TBC1D12: variants seen among roughly 807,000 people sequenced by gnomAD.
The protein encoded by TBC1D12 is TBC1 domain family member 12.
A neutral mutation model predicts 86.7 loss-of-function variants in TBC1D12; 56 were observed. The ratio of observed to expected loss-of-function variants is 0.65; its 90% confidence interval spans 0.52 to 0.81. The LOEUF (loss-of-function observed/expected upper bound fraction) is 0.81. Among genes scored for constraint, TBC1D12 ranks in the 30% least tolerant of loss-of-function variants. TBC1D12 has a pLI of 0.00. For synonymous variants in TBC1D12, 421 were observed against 411.7 expected (o/e 1.02, Z -0.27); for missense variants, 1,023 against 1,038.8 (o/e 0.98, Z 0.21).
chr10:94,531,233 C>G lies in TBC1D12; in HGVS notation c.2032C>G (p.Leu678Val). Residue 678 changes from leucine (L) to valine (V), a missense_variant, in exon 12 of 13, where the codon CTT becomes GTT. Leu to Val is a conservative substitution (Grantham distance 32). Transcript: ENST00000225235. The part of the protein sequence containing the change: ...IFTLYSKSLP[L>V]DLACRVWDVF... ...CACACTATATAGCAAATCACTACCA[C>G]TTGATCTGGCCTGTCGAGTCTGGGA... is the stretch of plus-strand genomic sequence containing the variant. 3 of 1,613,874 alleles carry G rather than the reference C, an allele frequency of 1.9e-6. No homozygotes were observed. Among genetic ancestry groups the G allele is most frequent in the Non-Finnish European group, 2.5e-6 (3 of 1,179,886 alleles).
intron 3 of TBC1D12, among the ~76,000 whole-genome samples, chr10:94,491,503 G>A (rs761207352): frequency 1.3e-5 from 2 of 152,090 alleles, no homozygotes; most frequent in African/African-American, 2.4e-5. Context: ...ACCAAAATAC[G>A]GTGTAGTAGT....
chr10:94,472,398 T>C (rs1345012251), intron 2 of TBC1D12, among the ~76,000 whole-genome samples: 1 of 152,220 alleles, frequency 6.6e-6, no homozygotes, highest in Non-Finnish European at 1.5e-5. Context: ...TTTTCTCCAC[T>C]GGGAGGGCTC....
chr10:94,458,109 C>A (rs529948181), intron 2 of TBC1D12, among the ~76,000 whole-genome samples: 2 of 152,090 alleles, frequency 1.3e-5, no homozygotes, highest in Admixed American at 6.6e-5. Context: ...AAGGCAATCC[C>A]CACTGTGGCA....
At chr10:94,404,831 T>A (rs1047341904) in intron 1 of TBC1D12, among the ~76,000 whole-genome samples, 2 of 151,478 alleles carry the variant, frequency 1.3e-5, no homozygotes, top group East Asian at 3.9e-4. Flanking sequence ...GTGGATCACC[T>A]GAGGTCAGAG....
chr10:94,426,076 G>A (rs189283401), intron 1 of TBC1D12, among the ~76,000 whole-genome samples: 4 of 152,194 alleles, frequency 2.6e-5, no homozygotes, highest in Admixed American at 2.0e-4. Context: ...TGAGGTGACT[G>A]TAGACAGTCA....
intron 9 of TBC1D12, among the ~76,000 whole-genome samples, chr10:94,520,230 A>C (rs1161629905): frequency 6.6e-6 from 1 of 152,214 alleles, no homozygotes; most frequent in Non-Finnish European, 1.5e-5. Context: ...ATGGAGTGGG[A>C]ATACATACTG....
chr10:94,519,974 G>A (rs1025142683), intron 9 of TBC1D12, among the ~76,000 whole-genome samples: 2 of 152,156 alleles, frequency 1.3e-5, no homozygotes, highest in Admixed American at 6.6e-5. Context: ...GACATCTTTG[G>A]TGGGCAATTA....
chr10:94,427,433 T>C (rs1470488045), intron 1 of TBC1D12, among the ~76,000 whole-genome samples: 2 of 152,260 alleles, frequency 1.3e-5, no homozygotes, highest in Non-Finnish European at 2.9e-5. Context: ...AAACATGTCA[T>C]GCATGATGTA....
At chr10:94,412,215 AT>A (rs1486427557) in intron 1 of TBC1D12, among the ~76,000 whole-genome samples, 1 of 152,138 alleles carries the variant, frequency 6.6e-6, no homozygotes, top group Admixed American at 6.5e-5. Context: ...GTTAAATAAT[AT>A]TTTACATTCT....
intron 1 of TBC1D12, among the ~76,000 whole-genome samples, chr10:94,420,825 T>C (rs2055064217): frequency 6.6e-6 from 1 of 152,238 alleles, no homozygotes; most frequent in Admixed American, 6.5e-5. Context: ...TAGTATCATT[T>C]GTGTACAAGT....
intron 2 of TBC1D12, among the ~76,000 whole-genome samples, chr10:94,444,979 G>A (rs1224471534): frequency 7.9e-6 from 1 of 127,096 alleles, no homozygotes; most frequent in African/African-American, 3.0e-5. Context: ...TGATCCGCCC[G>A]CCTCAGCCTC....
intron 11 of TBC1D12, among the ~76,000 whole-genome samples, chr10:94,524,229 A>C (rs1842227840): frequency 6.6e-6 from 1 of 152,258 alleles, no homozygotes; most frequent in South Asian, 2.1e-4. Context: ...GGAGACTCAC[A>C]AGGGGAGATT....
intron 1 of TBC1D12, among the ~76,000 whole-genome samples, chr10:94,414,349 TAG>T (rs2054970169): frequency 6.6e-6 from 1 of 152,208 alleles, no homozygotes; most frequent in African/African-American, 2.4e-5. Context: ...AAGATATTCG[TAG>T]AGAGAGAAAT....
chr10:94,431,410 TA>T (rs766071204), intron 1 of TBC1D12, among the ~76,000 whole-genome samples: 345 of 114,316 alleles, frequency 3.0e-3, no homozygotes, highest in African/African-American at 5.6e-3. Context: ...GCAAGACTCT[TA>T]AAAAAAAAAA....
At chr10:94,486,139 C>CTT (rs1282522464) in intron 3 of TBC1D12, among the ~76,000 whole-genome samples, 24 of 108,410 alleles carry the variant, frequency 2.2e-4, no homozygotes, top group Non-Finnish European at 2.7e-4. Flanking sequence ...TCTTCTTCTT[C>CTT]TTTTTTTTTT....
intron 1 of TBC1D12, among the ~76,000 whole-genome samples, chr10:94,433,217 C>A (rs1050576356): frequency 2.0e-5 from 3 of 152,060 alleles, no homozygotes; most frequent in Admixed American, 6.5e-5. Flanking sequence ...CTCCTGGGTT[C>A]AAGCGATTCT....
chr10:94,402,827 C>A lies in TBC1D12; in HGVS notation c.214C>A (p.Arg72Ser). Residue 72 changes from arginine to serine, a missense_variant, in exon 1 of 13, where the codon CGT becomes AGT. Around this residue, in one of 2 missense-constraint regions of TBC1D12, gnomAD observed 628 missense variants for 531.1 expected, o/e 1.18. Transcript: ENST00000225235. ...EETPPRQLLQ[R>S]YLAAAGEQLE... ...GACGCCGCCTCGGCAGCTCCTTCAG[C>A]GTTACCTCGCGGCGGCCGGGGAGCA... The A allele has an allele frequency of 1.3e-6, 2 of 1,540,318 alleles. No individual in the cohort carries two copies. Among genetic ancestry groups the A allele is most frequent in the Non-Finnish European group, 1.7e-6 (2 of 1,143,182 alleles).
chr10:94,434,194 C>T (rs2055260543), intron 1 of TBC1D12, among the ~76,000 whole-genome samples: 1 of 152,086 alleles, frequency 6.6e-6, no homozygotes, highest in South Asian at 2.1e-4. Flanking sequence ...ATTGATAGCT[C>T]CTCAGCTATG....
At chr10:94,494,979 A>C (rs2056296318) in intron 4 of TBC1D12, among the ~76,000 whole-genome samples, 1 of 150,056 alleles carries the variant, frequency 6.7e-6, no homozygotes, top group African/African-American at 2.4e-5. Flanking sequence ...CTCCTGCCTC[A>C]GCTTCCCTGG....
Sources: allele counts gnomAD v4.1 joint callset (sites outside exome capture counted in the v4.1 genomes callset), GRCh38; gene constraint gnomAD v4.1.1; regional missense constraint gnomAD v4.1.1; transcripts MANE v1.5; gene names NCBI Gene and HGNC (gene_info 2026-07-23, HGNC 2026-07-21).